The following NAV1 variants were observed in gnomAD, a reference collection of about 807,000 sequenced individuals.
NAV1 encodes the protein pore membrane and/or filament interacting like protein 3.
Under a neutral mutation model 175.2 loss-of-function variants are expected in NAV1, and 18 were observed. That is an observed-to-expected ratio of 0.10 (90% CI 0.07 to 0.15). The LOEUF is 0.15. Among genes scored for constraint, NAV1 ranks in the 10% least tolerant of loss-of-function variants. NAV1 has a pLI of 1.00. For synonymous variants in NAV1, 897 were observed against 978.7 expected (o/e 0.92, Z 1.56); for missense variants, 1,731 against 2,436.6 (o/e 0.71, Z 6.10).
chr1:201,599,197 T>C (rs991195872), intron 2 of NAV1, among the ~76,000 whole-genome samples: 1 of 152,218 alleles, frequency 6.6e-6, no homozygotes, highest in African/African-American at 2.4e-5. Context: ...TCACACTCTC[T>C]TTGGATCACG....
chr1:201,765,119 C>A (rs1268396494), intron 3 of NAV1, among the ~76,000 whole-genome samples: 2 of 152,182 alleles, frequency 1.3e-5, no homozygotes, highest in African/African-American at 4.8e-5. Context: ...TATTAAGAAT[C>A]ATCAGAAATA....
At chr1:201,566,816 C>T (rs527753706) in intron 1 of NAV1, among the ~76,000 whole-genome samples, 1 of 151,786 alleles carries the variant, frequency 6.6e-6, no homozygotes, top group South Asian at 2.1e-4. Flanking sequence ...TTTTTAAAGG[C>T]AGGTTTGTCT....
At chr1:201,659,138 A>C (rs1189411019) in intron 1 of NAV1, among the ~76,000 whole-genome samples, 2 of 152,232 alleles carry the variant, frequency 1.3e-5, no homozygotes, top group African/African-American at 2.4e-5. Context: ...TACCTATAGC[A>C]GAACCAAGAC....
In NAV1 at chr1:201,788,370, C is replaced by A; in HGVS notation, c.2996-98C>A. On this transcript the variant is annotated intron_variant, in intron 9 of 29. Transcript: ENST00000367296. The surrounding 1 kb of genome is among the most constrained non-coding windows in gnomAD (Gnocchi z 5.7). ...TCTCCCCATTTGCCTCTCATGCTCC[C>A]GGTGCTCCATCCCCCAAGGGCCCGG... 1.5e-6 allele frequency: 2 copies of A among 1,314,118 alleles called. No homozygotes were observed. Among genetic ancestry groups the A allele is most frequent in the Non-Finnish European group, 2.2e-6 (2 of 922,780 alleles). The allele number at this position is 1,314,118 out of a possible 1,614,324, so 81.4% of individuals were successfully genotyped here.
intron 1 of NAV1, among the ~76,000 whole-genome samples, chr1:201,546,243 G>A (rs911232717): frequency 2.0e-5 from 3 of 152,306 alleles, no homozygotes; most frequent in Middle Eastern, 3.4e-3. Context: ...GCACTATTGC[G>A]TGCTGCCCGT....
At chr1:201,727,102 T>G (rs1335394890) in intron 3 of NAV1, among the ~76,000 whole-genome samples, 1 of 152,168 alleles carries the variant, frequency 6.6e-6, no homozygotes, top group Non-Finnish European at 1.5e-5. Flanking sequence ...ATGTGAGGAT[T>G]AAATTAGTTA....
rs1413625951 is a variant in NAV1 at position 201,672,008 on chromosome 1, G to GTC, written c.757+22588_757+22589dup. Among the ~76,000 whole-genome samples, 5 of 152,216 alleles carry GTC rather than the reference G, an allele frequency of 3.3e-5. No homozygotes were observed. In the East Asian group the frequency reaches 9.6e-4, roughly 29 times the overall value. On this transcript the variant is annotated intron_variant, in intron 1 of 29. Coordinates refer to ENST00000367296, the Ensembl canonical transcript of NAV1. ...ACTCCCACTCTATCAGCAGTGTCCC[G>GTC]TCTCTCCTCTTTAGCCTGCCAAAGC...
chr1:201,607,870 TTGTGTGTGTGTGTG>T (rs57110688), intron 2 of NAV1, among the ~76,000 whole-genome samples: 1,963 of 138,266 alleles, frequency 0.014, 39 homozygotes, highest in Admixed American at 0.057. Flanking sequence ...GATAACTTTA[TTGTGTGTGTGTGTG>T]TGTGTGTGTG....
In NAV1 at chr1:201,812,335, T is replaced by C. The variant is rs1678743790; in HGVS notation, c.5025-130T>C. ...CTGCTCTGAGTTCCGATGTCCCCACTATTACTTGAAAAGAAACCAAGTAGG... is the reference window on the plus strand; with the variant it reads ...CTGCTCTGAGTTCCGATGTCCCCACCATTACTTGAAAAGAAACCAAGTAGG... On this transcript the variant is annotated intron_variant, in intron 26 of 29. Transcript: ENST00000367296. This position sits in a 1 kb window ranked among gnomAD's most constrained non-coding sequence, Gnocchi z 4.6. 1.1e-6 allele frequency: 1 copy of C among 896,940 alleles called. No individual in the cohort carries two copies. Among genetic ancestry groups the C allele is most frequent in the Non-Finnish European group, 1.7e-6 (1 of 583,692 alleles). 55.6% of individuals were successfully genotyped at this position (896,940 alleles called of 1,614,324 possible).
At chr1:201,805,644 T>G (rs1220188224) in intron 17 of NAV1, among the ~76,000 whole-genome samples, 1 of 152,330 alleles carries the variant, frequency 6.6e-6, no homozygotes, top group East Asian at 1.9e-4. Flanking sequence ...TACCATTGAC[T>G]GGGCACAGTG....
intron 1 of NAV1, among the ~76,000 whole-genome samples, 159 bp from the exon 4 acceptor site, chr1:201,629,245 C>T (rs1668419250): frequency 6.6e-6 from 1 of 152,250 alleles, no homozygotes; most frequent in Non-Finnish European, 1.5e-5. Context: ...GGAGGGCAGG[C>T]ATGTGCACAT....
intron 4 of NAV1, 104 bp from the exon 9 acceptor site, chr1:201,780,908 C>T: frequency 7.7e-7 from 1 of 1,305,004 alleles, no homozygotes; most frequent in Non-Finnish European, 1.0e-6. Flanking sequence ...ACTTAATACT[C>T]TGAGATGAGC....
chr1:201,629,167 C>T (rs1368682193), intron 1 of NAV1, among the ~76,000 whole-genome samples: 2 of 152,184 alleles, frequency 1.3e-5, no homozygotes, highest in South Asian at 2.1e-4. Context: ...TGACAAGCAT[C>T]GGGCATCCCA....
chr1:201,684,766 T>C (rs1192958747), intron 1 of NAV1, among the ~76,000 whole-genome samples: 2 of 151,698 alleles, frequency 1.3e-5, no homozygotes, highest in Non-Finnish European at 2.9e-5. Context: ...TGAGCCACTG[T>C]GCCCAGCCTA....
intron 2 of NAV1, among the ~76,000 whole-genome samples, chr1:201,589,303 G>A (rs575340947): frequency 9.3e-4 from 141 of 152,218 alleles, no homozygotes; most frequent in African/African-American, 3.0e-3. Flanking sequence ...AATAGAGAAC[G>A]GTTGAAAATT....
chr1:201,659,868 GT>G (rs1338550249), intron 1 of NAV1, among the ~76,000 whole-genome samples: 4 of 152,138 alleles, frequency 2.6e-5, no homozygotes, highest in Non-Finnish European at 4.4e-5. Flanking sequence ...ATCTCTCTCT[GT>G]TCCTTTAAGA....
In NAV1 at chr1:201,718,507, G is replaced by A. The variant is rs752930875; in HGVS notation, c.978G>A (p.Gln326=). The change falls in exon 3 of 30, where the codon CAG becomes CAA. Residue 326 remains glutamine (Q), a synonymous_variant. Transcript: ENST00000367296. The surrounding 1 kb of genome is among the most constrained non-coding windows in gnomAD (Gnocchi z 4.8). ...ATGGCCAGTCCAGTCCGCGGCTGCA[G>A]GCTGGTGACGCGCCCTCTGTGGGTG... 1.2e-6 allele frequency: 2 copies of A among 1,609,584 alleles called. No individual in the cohort carries two copies. The highest frequency in any genetic ancestry group is 2.2e-5 in the South Asian group (2 of 90,826).
chr1:201,631,807 C>A (rs960224167), intron 2 of NAV1, among the ~76,000 whole-genome samples: 1 of 152,156 alleles, frequency 6.6e-6, no homozygotes, highest in Non-Finnish European at 1.5e-5. Flanking sequence ...ATGTTATTTC[C>A]ATATCAATTT....
intron 1 of NAV1, among the ~76,000 whole-genome samples, chr1:201,670,827 G>C (rs1454108902): frequency 6.6e-6 from 1 of 151,828 alleles, no homozygotes; most frequent in East Asian, 1.9e-4. Flanking sequence ...TGGAGATGCT[G>C]GTGATGTTTT....
Sources: allele counts gnomAD v4.1 joint callset (sites outside exome capture counted in the v4.1 genomes callset), GRCh38; gene constraint gnomAD v4.1.1; non-coding constraint Gnocchi (gnomAD v3.1); transcripts MANE v1.5; gene names NCBI Gene and HGNC (gene_info 2026-07-23, HGNC 2026-07-21).